ELAVL4: variants seen among roughly 807,000 people sequenced by gnomAD.
ELAVL4 encodes the protein ELAV-like protein 4.
A neutral mutation model predicts 35.6 loss-of-function variants in ELAVL4; 1 was observed. That is an observed-to-expected ratio of 0.03 (90% CI 0.01 to 0.13). ELAVL4 has a LOEUF of 0.13. Ranked by LOEUF, ELAVL4 falls within the 10% of genes least tolerant of loss-of-function variation. The probability of loss-of-function intolerance (pLI) is 1.00; values close to 1 mark genes in which losing one functional copy is unlikely to be tolerated. For synonymous variants in ELAVL4, 156 were observed against 171.0 expected (o/e 0.91, Z 0.69); for missense variants, 267 against 464.9 (o/e 0.57, Z 3.91).
intron 1 of ELAVL4, among the ~76,000 whole-genome samples, chr1:50,050,425 A>C (rs989588098): frequency 2.0e-5 from 3 of 152,188 alleles, no homozygotes; most frequent in African/African-American, 7.2e-5. Flanking sequence ...ATTTGTCAAA[A>C]CTCATCAGAG....
At chr1:50,064,514 T>A (rs1424517513) in intron 1 of ELAVL4, among the ~76,000 whole-genome samples, 1 of 152,216 alleles carries the variant, frequency 6.6e-6, no homozygotes, top group Non-Finnish European at 1.5e-5. Context: ...TCCTGCCAAC[T>A]TCTGGATATG....
chr1:50,048,281 G>A, intron 1 of ELAVL4: 1 of 1,350,756 alleles, frequency 7.4e-7, no homozygotes, highest in East Asian at 3.0e-5. Flanking sequence ...TTCTCCCAGC[G>A]GCCAGCCTGG....
At chr1:50,072,418 G>T (rs958801945) in intron 1 of ELAVL4, among the ~76,000 whole-genome samples, 1 of 152,296 alleles carries the variant, frequency 6.6e-6, no homozygotes, top group East Asian at 1.9e-4. Context: ...CTCCAGCAGA[G>T]ACATGAGCAT....
intron 1 of ELAVL4, among the ~76,000 whole-genome samples, chr1:50,122,487 A>G (rs1669199853): frequency 6.6e-6 from 1 of 152,142 alleles, no homozygotes; most frequent in Non-Finnish European, 1.5e-5. Context: ...TTTGTACTAA[A>G]GAAACACTGT....
At chr1:50,155,916 C>G (rs528084307) in intron 2 of ELAVL4, among the ~76,000 whole-genome samples, 30 of 152,304 alleles carry the variant, frequency 2.0e-4, no homozygotes, top group Non-Finnish European at 4.1e-4. Context: ...TCAATGGACA[C>G]AGATCACCCT....
chr1:50,097,508 T>A (rs1665769366), intron 1 of ELAVL4, among the ~76,000 whole-genome samples: 1 of 152,192 alleles, frequency 6.6e-6, no homozygotes, highest in Admixed American at 6.5e-5. Flanking sequence ...AAGGTTCTGG[T>A]CCAGAGAGGA....
At chr1:50,073,253 G>A (rs1004614730) in intron 1 of ELAVL4, among the ~76,000 whole-genome samples, 3 of 152,032 alleles carry the variant, frequency 2.0e-5, no homozygotes, top group Admixed American at 1.3e-4. Context: ...TAAGCTGAGG[G>A]CCCTCAACTT....
chr1:50,099,970 T>C (rs1665895118), upstream of ELAVL4, among the ~76,000 whole-genome samples: 1 of 152,230 alleles, frequency 6.6e-6, no homozygotes, highest in African/African-American at 2.4e-5. Context: ...TGAATGTTAG[T>C]TTTTGAGTAT....
upstream of ELAVL4, among the ~76,000 whole-genome samples, chr1:50,099,560 C>CAAAAAAAAAAAAAAAAAAAAA (rs750905424): frequency 3.6e-5 from 2 of 56,314 alleles, no homozygotes; most frequent in African/African-American, 5.7e-5. Context: ...AACTCCGCCT[C>CAAAAAAAAAAAAAAAAAAAAA]AAAAAAAAAA....
rs947641708 is a variant in ELAVL4 at position 50,108,948 on chromosome 1, T to C, written c.-242T>C. 7.5e-6 allele frequency: 9 copies of C among 1,198,880 alleles called. No homozygotes were observed. The African/African-American group carries it at 9.5e-5, about 13-fold the overall frequency. 74.3% of individuals were successfully genotyped at this position (1,198,880 alleles called of 1,614,324 possible). ...CCAATTTCAGCAAGGCTCTGTTCAG[T>C]TGTTCTTATCTACATCCTAGAATCG... is the stretch of plus-strand genomic sequence containing the variant. On this transcript the variant is annotated 5_prime_UTR_variant, in exon 1 of 7. Transcript: ENST00000371824.
chr1:50,181,975 G>T (rs1302068690), intron 3 of ELAVL4, among the ~76,000 whole-genome samples: 1 of 152,314 alleles, frequency 6.6e-6, no homozygotes, highest in Admixed American at 6.5e-5. Flanking sequence ...GAGCCACCGC[G>T]CCCGGCTAGC....
intron 2 of ELAVL4, among the ~76,000 whole-genome samples, chr1:50,162,940 G>A (rs1677057543): frequency 6.6e-6 from 1 of 152,166 alleles, no homozygotes; most frequent in Non-Finnish European, 1.5e-5. Context: ...CAAAATTACA[G>A]ATGCTTAAAT....
At chr1:50,056,216 G>C (rs1350010764) in intron 1 of ELAVL4, among the ~76,000 whole-genome samples, 1 of 152,128 alleles carries the variant, frequency 6.6e-6, no homozygotes, top group Non-Finnish European at 1.5e-5. Context: ...GAAGTGCCTG[G>C]TGCATGATGG....
At chr1:50,179,906 A>G (rs1249954595) in intron 3 of ELAVL4, 2 of 152,206 alleles carry the variant, frequency 1.3e-5, no homozygotes, top group Non-Finnish European at 2.9e-5. Flanking sequence ...GTGAGCTGTA[A>G]AGAAGACAGC....
rs544631002 is a variant in ELAVL4, at chr1:50,164,545, C to T, written c.251-12544C>T. ...TGAGGTCAGGCACAGTGGCACATGC[C>T]AGTGCTTTGGGAAGCCTAGGTGGAA... On this transcript the variant is annotated intron_variant, in intron 2 of 6. Transcript: ENST00000371824. 5.6e-4 allele frequency among the ~76,000 whole-genome samples: 86 copies of T among 152,298 alleles called. 1 individual carries two copies. The highest frequency in any genetic ancestry group is 1.9e-3 in the African/African-American group (79 of 41,566).
chr1:50,090,012 GT>G (rs1665420308), intron 1 of ELAVL4, among the ~76,000 whole-genome samples: 1 of 152,112 alleles, frequency 6.6e-6, no homozygotes, highest in African/African-American at 2.4e-5. Flanking sequence ...AACATGTAAA[GT>G]ATAGGAATTC....
intron 1 of ELAVL4, among the ~76,000 whole-genome samples, chr1:50,140,658 T>C (rs992944387): frequency 6.6e-6 from 1 of 152,174 alleles, no homozygotes; most frequent in African/African-American, 2.4e-5. Flanking sequence ...TGAGGGGTCT[T>C]ATTATAGGAT....
chr1:50,163,185 T>C (rs2148766842), intron 2 of ELAVL4, among the ~76,000 whole-genome samples: 1 of 152,344 alleles, frequency 6.6e-6, no homozygotes, highest in Non-Finnish European at 1.5e-5. Flanking sequence ...GGCTGTCTCC[T>C]GTCAATTTTT....
intron 1 of ELAVL4, among the ~76,000 whole-genome samples, chr1:50,084,753 T>C (rs773896402): frequency 3.5e-4 from 53 of 152,148 alleles, no homozygotes; most frequent in Non-Finnish European, 7.2e-4. Context: ...TCTCATCCTT[T>C]AGGTAGGTGT....
Sources: gnomAD v4.1 joint callset for allele counts (sites outside exome capture counted in the v4.1 genomes callset) on GRCh38, gnomAD v4.1.1 for gene constraint, MANE v1.5 for transcripts, NCBI Gene and HGNC (gene_info 2026-07-23, HGNC 2026-07-21) for gene names.